The following MAEA variants were observed in gnomAD, a reference collection of about 807,000 sequenced individuals.
The protein encoded by MAEA is macrophage erythroblast attacher, E3 ubiquitin ligase.
In MAEA, 22 loss-of-function variants were observed where a neutral mutation model predicts 46.2. The ratio of observed to expected loss-of-function variants is 0.48; its 90% CI spans 0.34 to 0.68. The LOEUF (loss-of-function observed/expected upper bound fraction) is 0.68. Ranked by LOEUF, MAEA falls within the 30% of genes least tolerant of loss-of-function variation. MAEA has a pLI of 0.01. For missense variants in MAEA, 393 were observed against 558.1 expected (o/e 0.70, Z 2.98); for synonymous variants, 246 against 222.6 (o/e 1.11, Z -0.94).
At chr4:1,309,618 C>T (rs1253340242) in intron 1 of MAEA, 7 of 1,522,052 alleles carry the variant, frequency 4.6e-6, no homozygotes, top group Non-Finnish European at 6.1e-6. Context: ...TGCGCAGAGG[C>T]GTGGGAGGCC....
intron 6 of MAEA, chr4:1,335,073 G>T: frequency 1.0e-6 from 1 of 985,332 alleles, no homozygotes; most frequent in Non-Finnish European, 1.2e-6. Context: ...TTTCTGGGTT[G>T]ATGTGAAGGT....
chr4:1,324,333 T>C (rs1738529464), intron 4 of MAEA, among the ~76,000 whole-genome samples: 1 of 142,318 alleles, frequency 7.0e-6, no homozygotes, highest in South Asian at 2.3e-4. Flanking sequence ...TTGGATGAAG[T>C]TGAGATTGGA....
chr4:1,322,953 T>TC (rs1738336666), intron 4 of MAEA, among the ~76,000 whole-genome samples: 3 of 137,706 alleles, frequency 2.2e-5, no homozygotes, highest in Non-Finnish European at 3.1e-5. Context: ...CTTTTTTTTT[T>TC]TTTTTTTTTT....
chr4:1,338,380 T>A, intron 7 of MAEA, 42 bp from the exon 8 acceptor site: 1 of 1,544,318 alleles, frequency 6.5e-7, no homozygotes, highest in East Asian at 2.3e-5. Context: ...TCACCCCGGC[T>A]GCCCTGAGTG....
At chr4:1,332,654 T>C in intron 5 of MAEA, 103 bp from the exon 6 acceptor site, 1 of 806,436 alleles carries the variant, frequency 1.2e-6, no homozygotes, top group Non-Finnish European at 2.0e-6. Flanking sequence ...CAGTGAGCTG[T>C]GACTGTGCCA....
intron 5 of MAEA, chr4:1,330,323 T>TCTCTCTCTCTCTCTCTCTCTCGTCTCTC: frequency 7.7e-6 from 1 of 129,126 alleles, no homozygotes; most frequent in African/African-American, 4.3e-5. Flanking sequence ...TCTCTCTCTC[T>TCTCTCTCTCTCTCTCTCTCTCGTCTCTC]CTTTCCGTGT....
chr4:1,333,960 C>G (rs1224565521), intron 6 of MAEA, among the ~76,000 whole-genome samples: 1 of 95,546 alleles, frequency 1.0e-5, no homozygotes, highest in Admixed American at 1.0e-4. Flanking sequence ...ACCCCTGCAC[C>G]CACCCCCATG....
At position 1,309,807 on chromosome 4, in the gene MAEA, T is replaced by C. The variant is rs1260421162; in HGVS notation, c.70-2172T>C. The C allele has an allele frequency of 5.0e-6, 7 of 1,398,032 alleles. No individual in the cohort carries two copies. The African/African-American group carries it at 1.0e-4, about 20-fold the overall frequency. 86.6% of individuals were successfully genotyped at this position (1,398,032 alleles called of 1,614,324 possible). On this transcript the variant is annotated intron_variant, in intron 1 of 8. Transcript: ENST00000303400. ...TTCCCTTGCACTGGGAGCAAAGGGT[T>C]CCTGTCTGCAGCACACCAGCTGCCC...
At chr4:1,304,440 ATTAC>A (rs1178826900) in intron 1 of MAEA, among the ~76,000 whole-genome samples, 2 of 151,684 alleles carry the variant, frequency 1.3e-5, no homozygotes, top group Non-Finnish European at 1.5e-5. Context: ...GGCCCTGAAA[ATTAC>A]TTATTTATTT....
rs140553055 is a variant in MAEA, at chr4:1,338,478, G to A, written c.956G>A (p.Arg319His). ...SKSPDCPVCSRSLNKLAQPLP... is the reference protein window; with the variant it reads ...SKSPDCPVCSHSLNKLAQPLP... ...AGCCCTGACTGCCCTGTGTGCAGCC[G>A]CTCCCTGAACAAGCTGGCGCAGCCC... The change falls in exon 8 of 9, where the codon CGC becomes CAC. Residue 319 changes from arginine to histidine, a missense_variant. Transcript: ENST00000303400. 31 of 1,612,952 alleles carry A rather than the reference G, an allele frequency of 1.9e-5. No homozygotes were observed. The highest frequency in any genetic ancestry group is 4.0e-5 in the African/African-American group (3 of 74,944).
intron 2 of MAEA, chr4:1,312,423 A>ATT (rs34329974): frequency 0.035 from 6,027 of 170,894 alleles, 73 homozygotes; most frequent in South Asian, 0.048. Context: ...AGGTTGATTG[A>ATT]TTTTTTTTTT....
chr4:1,315,092 A>G (rs1736963251), intron 2 of MAEA, among the ~76,000 whole-genome samples: 1 of 152,272 alleles, frequency 6.6e-6, no homozygotes, highest in South Asian at 2.1e-4. Flanking sequence ...CAGTTTAACC[A>G]GAAAGGCATA....
chr4:1,325,011 G>T (rs549474445), intron 4 of MAEA, among the ~76,000 whole-genome samples: 3 of 152,124 alleles, frequency 2.0e-5, no homozygotes, highest in African/African-American at 7.2e-5. Context: ...CCAGAAATGC[G>T]CCCTGAAGAC....
chr4:1,316,822 C>A (rs1259582828), intron 3 of MAEA, among the ~76,000 whole-genome samples: 1 of 152,078 alleles, frequency 6.6e-6, no homozygotes, highest in Non-Finnish European at 1.5e-5. Flanking sequence ...ACACTCACGC[C>A]CCCATGCAGC....
intron 7 of MAEA, chr4:1,338,075 T>C: frequency 3.9e-6 from 1 of 258,326 alleles, no homozygotes; most frequent in Non-Finnish European, 7.5e-6. Flanking sequence ...CCACTGCCTG[T>C]TCCTAGGTGC....
At chr4:1,337,591 ACT>A (rs1263077554) in intron 7 of MAEA, 7 of 167,624 alleles carry the variant, frequency 4.2e-5, no homozygotes, top group Non-Finnish European at 1.3e-5. Flanking sequence ...CCTGTGACTG[ACT>A]CTGTCCCACC....
intron 1 of MAEA, chr4:1,309,533 C>T: frequency 7.2e-7 from 1 of 1,392,986 alleles, no homozygotes; most frequent in Non-Finnish European, 9.4e-7. Context: ...GTGCTGCGCT[C>T]ATCCCCTGAA....
intron 3 of MAEA, among the ~76,000 whole-genome samples, chr4:1,316,049 C>G (rs1214931883): frequency 6.6e-6 from 1 of 151,928 alleles, no homozygotes; most frequent in East Asian, 1.9e-4. Flanking sequence ...TTCTCATTTC[C>G]CTGTGGTGTC....
At chr4:1,335,097 G>T in intron 6 of MAEA, 1 of 985,298 alleles carries the variant, frequency 1.0e-6, no homozygotes, top group Non-Finnish European at 1.2e-6. Flanking sequence ...TCTCTCCTGT[G>T]CTCACACACG....
Sources: gnomAD v4.1 joint callset for allele counts (sites outside exome capture counted in the v4.1 genomes callset) on GRCh38, gnomAD v4.1.1 for gene constraint, MANE v1.5 for transcripts, NCBI Gene and HGNC (gene_info 2026-07-23, HGNC 2026-07-21) for gene names.